The following ROBO2 variants were observed in gnomAD, a reference collection of about 807,000 sequenced individuals.
ROBO2 encodes the protein roundabout guidance receptor 2, also known as roundabout homolog 2.
Under a neutral mutation model 160.8 loss-of-function variants are expected in ROBO2, and 53 were observed. The ratio of observed to expected loss-of-function variants is 0.33; its 90% CI spans 0.26 to 0.41. The LOEUF is 0.41. ROBO2 is among the 10% of genes least tolerant of loss of function. The pLI is 1.00. For synonymous variants in ROBO2, 664 were observed against 611.7 expected (o/e 1.09, Z -1.26); for missense variants, 1,577 against 1,722.4 (o/e 0.92, Z 1.49).
intron 2 of ROBO2, among the ~76,000 whole-genome samples, chr3:77,119,960 A>G (rs1280971610): frequency 6.6e-6 from 1 of 152,212 alleles, no homozygotes; most frequent in African/African-American, 2.4e-5. Flanking sequence ...TTGTCATTCA[A>G]ATGTCCTTGA....
At chr3:75,986,811 A>AT (rs924038512) in intron 2 of ROBO2, among the ~76,000 whole-genome samples, 8 of 149,538 alleles carry the variant, frequency 5.3e-5, no homozygotes, top group South Asian at 4.2e-4. Context: ...TTTTATTTTT[A>AT]TTTTTTTTTA....
intron 2 of ROBO2, among the ~76,000 whole-genome samples, chr3:77,200,273 A>C (rs1252153954): frequency 5.7e-5 from 1 of 17,608 alleles, no homozygotes; most frequent in African/African-American, 4.1e-4. Context: ...TATTTTATAT[A>C]TATATATATA....
rs536930562 is a variant in ROBO2, at chr3:76,901,342, C to T, written c.110-196672C>T. Among the ~76,000 whole-genome samples, 38 of 151,966 alleles carry T rather than the reference C, an allele frequency of 2.5e-4. 1 individual carries two copies. In the South Asian group the frequency reaches 7.7e-3, roughly 31 times the overall value. On this transcript the variant is annotated intron_variant, in intron 2 of 26. Transcript: ENST00000487694. ...AAATGTTTTATATCCTTTTCAATCC[C>T]TGGCTCATAATAGGCACTCAACATA... is the stretch of plus-strand genomic sequence containing the variant.
intron 2 of ROBO2, among the ~76,000 whole-genome samples, chr3:76,525,700 G>T (rs1158853727): frequency 1.3e-5 from 2 of 151,946 alleles, no homozygotes; most frequent in Non-Finnish European, 2.9e-5. Context: ...ATTAGCCAGG[G>T]TTTTACTTAA....
chr3:77,595,569 A>G (rs2094283503), intron 18 of ROBO2, among the ~76,000 whole-genome samples: 1 of 152,206 alleles, frequency 6.6e-6, no homozygotes, highest in Non-Finnish European at 1.5e-5. Context: ...TAAATGATTC[A>G]TGGATGATGA....
intron 2 of ROBO2, among the ~76,000 whole-genome samples, chr3:76,052,043 A>G (rs1297472133): frequency 6.6e-6 from 1 of 152,128 alleles, no homozygotes; most frequent in African/African-American, 2.4e-5. Context: ...AAATGGGAAT[A>G]TGAATAATCA....
At chr3:76,544,835 T>C (rs1287659674) in intron 2 of ROBO2, among the ~76,000 whole-genome samples, 1 of 152,020 alleles carries the variant, frequency 6.6e-6, no homozygotes, top group Non-Finnish European at 1.5e-5. Flanking sequence ...TGATAAACAG[T>C]AGTAACCCAA....
At chr3:77,127,716 G>T (rs796610985) in intron 2 of ROBO2, among the ~76,000 whole-genome samples, 1 of 152,098 alleles carries the variant, frequency 6.6e-6, no homozygotes, top group Non-Finnish European at 1.5e-5. Context: ...GAAAATTAAG[G>T]CCTCATTCCC....
intron 2 of ROBO2, among the ~76,000 whole-genome samples, chr3:77,365,911 A>G (rs9809640): frequency 0.28 from 41,847 of 152,012 alleles, 6,253 homozygotes; most frequent in East Asian, 0.55. Context: ...AAAATTTTAA[A>G]TATCTGAAAC....
intron 2 of ROBO2, among the ~76,000 whole-genome samples, chr3:76,010,612 A>G (rs143221266): frequency 0.014 from 2,112 of 152,340 alleles, 20 homozygotes; most frequent in Non-Finnish European, 0.021. Flanking sequence ...TGCCTGATTT[A>G]CTGTTTGCTG....
At chr3:76,768,838 T>G (rs1282790673) in intron 2 of ROBO2, among the ~76,000 whole-genome samples, 1 of 151,306 alleles carries the variant, frequency 6.6e-6, no homozygotes, top group East Asian at 2.0e-4. Context: ...TAGATATACA[T>G]AATTATTTTT....
intron 2 of ROBO2, among the ~76,000 whole-genome samples, chr3:76,142,866 G>T (rs1577033720): frequency 6.6e-6 from 1 of 152,092 alleles, no homozygotes; most frequent in East Asian, 1.9e-4. Flanking sequence ...TCCATGTGAT[G>T]TGCTTATTTC....
intron 2 of ROBO2, among the ~76,000 whole-genome samples, chr3:77,350,064 TA>T (rs145139628): frequency 4.2e-4 from 49 of 115,768 alleles, no homozygotes; most frequent in African/African-American, 1.1e-3. Context: ...ATTGGTACAT[TA>T]AAAAAAAATA....
chr3:76,027,702 ATAT>A (rs1477073066), intron 2 of ROBO2, among the ~76,000 whole-genome samples: 2 of 151,974 alleles, frequency 1.3e-5, no homozygotes, highest in Non-Finnish European at 2.9e-5. Context: ...AGAGATTTAA[ATAT>A]TATTCCATTA....
intron 2 of ROBO2, among the ~76,000 whole-genome samples, chr3:76,262,821 G>C (rs1176629919): frequency 6.6e-6 from 1 of 152,046 alleles, no homozygotes; most frequent in East Asian, 1.9e-4. Context: ...CAGGACTTTG[G>C]GCTAACTACA....
intron 2 of ROBO2, among the ~76,000 whole-genome samples, chr3:76,023,546 AAC>A (rs2066639177): frequency 6.6e-6 from 1 of 151,650 alleles, no homozygotes; most frequent in African/African-American, 2.4e-5. Context: ...AAGAACTGAG[AAC>A]ACACATGATA....
chr3:76,910,227 A>G (rs2075882000), intron 2 of ROBO2, among the ~76,000 whole-genome samples: 1 of 152,196 alleles, frequency 6.6e-6, no homozygotes, highest in South Asian at 2.1e-4. Context: ...AAATCTTTGA[A>G]ATTTATTAAG....
In ROBO2 at chr3:77,410,237, A is replaced by G. The variant is rs550615776; in HGVS notation, c.389-67177A>G. 5.9e-5 allele frequency among the ~76,000 whole-genome samples: 9 copies of G among 152,302 alleles called. No homozygotes were observed. The South Asian group carries it at 1.5e-3, about 25-fold the overall frequency. On this transcript the variant is annotated intron_variant, in intron 2 of 25. Transcript: ENST00000461745. ...ACATCTCTCTGTGGAATCTGTTTCT[A>G]TGTATCAAAACTTTTTAGTTCATGT...
chr3:76,841,190 A>G (rs559633201), intron 2 of ROBO2, among the ~76,000 whole-genome samples: 9 of 152,328 alleles, frequency 5.9e-5, no homozygotes, highest in East Asian at 5.8e-4. Flanking sequence ...GAAAGAACCC[A>G]GATAGAAACA....
Sources: gnomAD v4.1 joint callset for allele counts (sites outside exome capture counted in the v4.1 genomes callset) on GRCh38, gnomAD v4.1.1 for gene constraint, MANE v1.5 for transcripts, NCBI Gene and HGNC (gene_info 2026-07-23, HGNC 2026-07-21) for gene names.